Variants in ALK observed in about 807,000 individuals in gnomAD.
The protein encoded by ALK is ALK receptor tyrosine kinase.
A neutral mutation model predicts 163.1 loss-of-function variants in ALK; 74 were observed. That is an observed-to-expected ratio of 0.45 (90% CI 0.38 to 0.55). The LOEUF is 0.55. Among genes scored for constraint, ALK ranks in the 20% least tolerant of loss-of-function variants. ALK has a pLI of 0.00. For synonymous variants in ALK, 960 were observed against 843.2 expected (o/e 1.14, Z -2.40); for missense variants, 2,063 against 2,105.3 (o/e 0.98, Z 0.39).
At chr2:29,304,766 G>A (rs1050562486) in intron 8 of ALK, among the ~76,000 whole-genome samples, 5 of 152,158 alleles carry the variant, frequency 3.3e-5, no homozygotes, top group South Asian at 2.1e-4. Context: ...CTCTGAACCT[G>A]TATTTTGTTA....
chr2:29,754,772 C>T (rs1333037838), intron 1 of ALK, among the ~76,000 whole-genome samples: 1 of 152,036 alleles, frequency 6.6e-6, no homozygotes, highest in Non-Finnish European at 1.5e-5. Context: ...CAATATTTGC[C>T]AATCCATACA....
At chr2:29,531,867 C>G (rs981068074) in intron 4 of ALK, 48 bp downstream of exon 4, 1 of 1,600,980 alleles carries the variant, frequency 6.2e-7, no homozygotes, top group African/African-American at 1.3e-5. Flanking sequence ...TAACCAAAAG[C>G]CAAATCACCT....
At chr2:29,541,305 G>A (rs1200992183) in intron 3 of ALK, among the ~76,000 whole-genome samples, 1 of 152,132 alleles carries the variant, frequency 6.6e-6, no homozygotes, top group Non-Finnish European at 1.5e-5. Flanking sequence ...CTTTTAATAT[G>A]TGAAACATTT....
At chr2:29,339,963 A>G (rs946569007) in intron 5 of ALK, among the ~76,000 whole-genome samples, 2 of 152,218 alleles carry the variant, frequency 1.3e-5, no homozygotes, top group African/African-American at 2.4e-5. Context: ...GGTTCTCCGA[A>G]GGAATTAAAA....
chr2:29,598,625 G>A (rs1301445627), intron 3 of ALK, among the ~76,000 whole-genome samples: 1 of 152,060 alleles, frequency 6.6e-6, no homozygotes, highest in Admixed American at 6.6e-5. Flanking sequence ...AAAAATGGTG[G>A]TCTACAAAGC....
At chr2:29,806,588 C>A (rs1351475106) in intron 1 of ALK, among the ~76,000 whole-genome samples, 1 of 152,190 alleles carries the variant, frequency 6.6e-6, no homozygotes, top group African/African-American at 2.4e-5. Context: ...CATGTCCTCA[C>A]CTGGCAGGAT....
intron 1 of ALK, among the ~76,000 whole-genome samples, chr2:29,808,066 T>C (rs1475078760): frequency 6.6e-6 from 1 of 152,226 alleles, no homozygotes; most frequent in African/African-American, 2.4e-5. Flanking sequence ...GGTTTTCATT[T>C]TATCTCTTTT....
chr2:29,824,487 G>A (rs1665139611), intron 1 of ALK, among the ~76,000 whole-genome samples: 1 of 152,222 alleles, frequency 6.6e-6, no homozygotes, highest in African/African-American at 2.4e-5. Flanking sequence ...GAGGGGGCCT[G>A]TACCCTGCAA....
chr2:29,563,239 T>C (rs919322104), intron 3 of ALK, among the ~76,000 whole-genome samples: 2 of 152,190 alleles, frequency 1.3e-5, no homozygotes, highest in Non-Finnish European at 2.9e-5. Flanking sequence ...TCTTTACATA[T>C]GGTTTTGTTT....
Position 29,665,804 on chromosome 2 carries a change from G to A in ALK, c.952+29046C>T, listed in dbSNP as rs115761586. Among the ~76,000 whole-genome samples, 1,368 of 152,104 alleles carry A rather than the reference G, an allele frequency of 9.0e-3. 22 individuals carry two copies. The highest frequency in any genetic ancestry group is 0.031 in the African/African-American group (1,281 of 41,502). Reference sequence around the variant, plus strand: ...GTTTAAGCCTGGGATTGGAACCTACGTAGACTTGCTAGCTTTCAAATGATT... The same window carrying A: ...GTTTAAGCCTGGGATTGGAACCTACATAGACTTGCTAGCTTTCAAATGATT... On this transcript the variant is annotated intron_variant, in intron 3 of 28. Coordinates refer to ENST00000389048, the MANE Select transcript of ALK (RefSeq NM_004304.5).
At chr2:29,763,065 C>T (rs1042687208) in intron 1 of ALK, among the ~76,000 whole-genome samples, 7 of 137,018 alleles carry the variant, frequency 5.1e-5, no homozygotes, top group South Asian at 2.3e-4. Flanking sequence ...CGAGCCTAGG[C>T]GACAGAGTGA....
chr2:29,277,926 C>T (rs1050051237), intron 9 of ALK, among the ~76,000 whole-genome samples: 11 of 152,112 alleles, frequency 7.2e-5, no homozygotes, highest in Non-Finnish European at 1.0e-4. Flanking sequence ...TAAGAGAAAT[C>T]GACATGAACG....
chr2:29,240,919 T>C (rs1489690372), intron 12 of ALK, among the ~76,000 whole-genome samples: 2 of 152,250 alleles, frequency 1.3e-5, no homozygotes, highest in Non-Finnish European at 2.9e-5. Flanking sequence ...TTTGCCCATG[T>C]GCACATAGTA....
At position 29,702,668 on chromosome 2, in the gene ALK, T is replaced by TA. The variant is rs1266900482; in HGVS notation, c.788-7655dup. Among the ~76,000 whole-genome samples, 10 of 152,196 alleles carry TA rather than the reference T, an allele frequency of 6.6e-5. No homozygotes were observed. The South Asian group carries it at 1.7e-3, about 25-fold the overall frequency. Reference sequence around the variant, plus strand: ...TAAAGAAAAAGAGGCTTAATGGACTTAAAGTTCCACATGGCTGGGGAAGCC... The same window carrying TA: ...TAAAGAAAAAGAGGCTTAATGGACTTAAAAGTTCCACATGGCTGGGGAAGCC... On this transcript the variant is annotated intron_variant, in intron 2 of 28. Transcript: ENST00000389048.
chr2:29,403,363 C>T (rs1252062682), intron 4 of ALK, among the ~76,000 whole-genome samples: 1 of 152,146 alleles, frequency 6.6e-6, no homozygotes, highest in Non-Finnish European at 1.5e-5. Context: ...ATCAGGAAAG[C>T]ATTGTCCAGT....
intron 1 of ALK, among the ~76,000 whole-genome samples, chr2:29,778,447 C>A (rs184022556): frequency 1.3e-5 from 2 of 152,186 alleles, no homozygotes; most frequent in African/African-American, 2.4e-5. Flanking sequence ...GACTTCCCAA[C>A]AGAGCAGGAG....
At chr2:29,302,480 T>C (rs770518786) in intron 8 of ALK, among the ~76,000 whole-genome samples, 2 of 152,162 alleles carry the variant, frequency 1.3e-5, no homozygotes, top group Non-Finnish European at 2.9e-5. Context: ...ATTGCATCAT[T>C]GCACTCCAGC....
chr2:29,894,853 A>AC (rs1558537562), intron 1 of ALK, among the ~76,000 whole-genome samples: 123 of 33,402 alleles, frequency 3.7e-3, no homozygotes, highest in African/African-American at 5.9e-3. Context: ...CACACACACA[A>AC]ACACACACAC....
chr2:29,486,720 C>T (rs1272021203), intron 4 of ALK, among the ~76,000 whole-genome samples: 1 of 152,116 alleles, frequency 6.6e-6, no homozygotes, highest in Non-Finnish European at 1.5e-5. Context: ...TGTGTTTTGT[C>T]TTTCTCTTTG....
Sources: gnomAD v4.1 joint callset for allele counts (sites outside exome capture counted in the v4.1 genomes callset) on GRCh38, gnomAD v4.1.1 for gene constraint, MANE v1.5 for transcripts, NCBI Gene and HGNC (gene_info 2026-07-23, HGNC 2026-07-21) for gene names.